The following CHAD variants were observed in gnomAD, a reference collection of about 807,000 sequenced individuals.
The protein encoded by CHAD is cartilage leucine-rich protein.
Under a neutral mutation model 24.0 loss-of-function variants are expected in CHAD, and 18 were observed. The observed-to-expected ratio is 0.75, with a 90% CI of 0.52 to 1.11. The LOEUF (loss-of-function observed/expected upper bound fraction) is 1.11. Ranked by LOEUF, CHAD falls within the 50% of genes most tolerant of loss-of-function variation. The probability of loss-of-function intolerance (pLI) is 0.00; values close to 1 mark genes in which losing one functional copy is unlikely to be tolerated. For missense variants in CHAD, 440 were observed against 467.2 expected, an observed-to-expected ratio of 0.94 and a Z score of 0.54; for synonymous variants, 195 against 211.6, an observed-to-expected ratio of 0.92 and a Z score of 0.68.
chr17:50,468,290 C>T lies in CHAD; in HGVS notation c.524G>A (p.Trp175Ter). The change falls in exon 1 of 4, where the codon TGG (tryptophan) becomes TAG (stop). Residue 175 changes from tryptophan to a stop codon, truncating the protein, a stop_gained. Transcript: ENST00000508540. LOFTEE classifies it high-confidence loss of function. The stretch of plus-strand genomic sequence containing the variant: ...CAACGCGTTTTCCGACAGGTAGAGC[C>T]AGCGCAGGTCCTTGGCTCCCTGGAA... ...GAFQGAKDLR[W>*]LYLSENALSS... 1.2e-6 allele frequency: 2 copies of T among 1,613,322 alleles called. No individual in the cohort carries two copies. Among genetic ancestry groups the T allele is most frequent in the East Asian group, 2.2e-5 (1 of 44,824 alleles).
In CHAD at chr17:50,468,325, G is replaced by A. The variant is rs1251037006; in HGVS notation, c.489C>T (p.Arg163=). 6 of 1,614,046 alleles carry A rather than the reference G, an allele frequency of 3.7e-6. No homozygotes were observed. Among genetic ancestry groups the A allele is most frequent in the East Asian group, 2.2e-5 (1 of 44,898 alleles). ...QLNNNKIREL[R]AGAFQGAKDL... is the part of the protein sequence containing the mutation. ...CCTTGGCTCCCTGGAAGGCGCCTGC[G>A]CGCAGCTCACGGATCTTGTTGTTGT... Residue 163 remains arginine, a synonymous_variant, in exon 1 of 4, where the codon CGC becomes CGT. Transcript: ENST00000508540.
chr17:50,465,593 C>T, intron 2 of CHAD, 114 bp downstream of exon 2: 1 of 1,480,228 alleles, frequency 6.8e-7, no homozygotes, highest in African/African-American at 1.4e-5. Flanking sequence ...TCCCAGGGTC[C>T]CATGCTTATT....
chr17:50,465,871 C>G lies in CHAD; in HGVS notation c.775-1G>C. ...CACCCAGGAAGGCACCATCTGAGAACTGGGGAGCAAGGTGGGAGCAAGGTG... is the reference window on the plus strand; with the variant it reads ...CACCCAGGAAGGCACCATCTGAGAAGTGGGGAGCAAGGTGGGAGCAAGGTG... On this transcript the variant is annotated splice_acceptor_variant, in intron 1 of 3. Transcript: ENST00000508540. LOFTEE classifies it high-confidence loss of function. 1 of 1,613,604 alleles carries G rather than the reference C, an allele frequency of 6.2e-7. No homozygotes were observed. Among genetic ancestry groups the G allele is most frequent in the South Asian group, 1.1e-5 (1 of 91,034 alleles).
rs1395258171 is a variant in CHAD at position 50,465,844 on chromosome 17, T to C, written c.801A>G (p.Val267=). 1 of 1,613,762 alleles carries C rather than the reference T, an allele frequency of 6.2e-7. No individual in the cohort carries two copies. Among genetic ancestry groups the C allele is most frequent in the Admixed American group, 1.7e-5 (1 of 59,960 alleles). Residue 267 remains valine (V), a synonymous_variant, in exon 2 of 4, where the codon GTA becomes GTG. Transcript: ENST00000508540. Reference sequence around the variant, plus strand: ...CCAAATGGACGTGTTTCAGCGTGGTTACACCCAGGAAGGCACCATCTGAGA... The same window carrying C: ...CCAAATGGACGTGTTTCAGCGTGGTCACACCCAGGAAGGCACCATCTGAGA... The part of the protein sequence containing the change: ...EKFSDGAFLG[V]TTLKHVHLEN...
rs1469117298 is a variant in CHAD, at chr17:50,465,190, G to T, written c.*4+104C>A. Reference sequence around the variant, plus strand: ...CCCTCCTCTCTCTGTAAAAATGGAGGGTCTGCCTGACCCTCCAGGGCCAGG... The same window carrying T: ...CCCTCCTCTCTCTGTAAAAATGGAGTGTCTGCCTGACCCTCCAGGGCCAGG... On this transcript the variant is annotated intron_variant, in intron 3 of 3. Transcript: ENST00000508540. The T allele has an allele frequency of 9.5e-6, 13 of 1,369,048 alleles. No homozygotes were observed. In the Middle Eastern group the frequency reaches 9.3e-4, roughly 98 times the overall value. The allele number at this position is 1,369,048 out of a possible 1,614,324, so 84.8% of individuals were successfully genotyped here. A position where few individuals can be genotyped will look rare whatever the true frequency, so the allele number is the denominator to read the frequency against.
chr17:50,465,217 G>A, intron 3 of CHAD, 77 bp downstream of exon 3: 3 of 1,560,374 alleles, frequency 1.9e-6, no homozygotes, highest in South Asian at 1.1e-5. Context: ...AGGGCCAGGG[G>A]GTATCCTGGA....
intron 1 of CHAD, among the ~76,000 whole-genome samples, 170 bp from the exon 2 acceptor site, chr17:50,466,040 C>T (rs1348242782): frequency 6.6e-6 from 1 of 151,172 alleles, no homozygotes; most frequent in South Asian, 2.1e-4. Flanking sequence ...ATCCAATCTA[C>T]ACAACCCCCT....
rs1333976909 is a variant in CHAD, at chr17:50,465,701, T to C, written c.938+6A>G. The C allele has an allele frequency of 1.3e-5, 21 of 1,613,096 alleles. No individual in the cohort carries two copies. The highest frequency in any genetic ancestry group is 1.7e-5 in the Admixed American group (1 of 59,864). On this transcript the variant is annotated splice_donor_region_variant and intron_variant, in intron 2 of 3. Coordinates refer to ENST00000508540, the MANE Select transcript of CHAD (RefSeq NM_001267.3). Reference sequence around the variant, plus strand: ...GGCTCTGGGAGTGACATGGAAGTGTTCTTACCGCCGAAGGCCCCGGAGCTG... The same window carrying C: ...GGCTCTGGGAGTGACATGGAAGTGTCCTTACCGCCGAAGGCCCCGGAGCTG...
In CHAD at chr17:50,465,842, G is replaced by T. The variant is rs1825210105; in HGVS notation, c.803C>A (p.Thr268Asn). The T allele has an allele frequency of 6.2e-7, 1 of 1,613,792 alleles. No homozygotes were observed. The highest frequency in any genetic ancestry group is 1.3e-5 in the African/African-American group (1 of 74,840). ...CTCCAAATGGACGTGTTTCAGCGTG[G>T]TTACACCCAGGAAGGCACCATCTGA... ...KFSDGAFLGV[T>N]TLKHVHLENN... Residue 268 changes from threonine to asparagine, a missense_variant, in exon 2 of 4, where the codon ACC becomes AAC. Coordinates refer to ENST00000508540, the MANE Select transcript of CHAD (RefSeq NM_001267.3).
chr17:50,467,228 T>C (rs1427115158), intron 1 of CHAD, among the ~76,000 whole-genome samples: 2 of 152,120 alleles, frequency 1.3e-5, no homozygotes, highest in East Asian at 1.9e-4. Flanking sequence ...AGACAGGAGA[T>C]GGGTCTAGTG....
At chr17:50,465,948 A>G in intron 1 of CHAD, 78 bp from the exon 2 acceptor site, 1 of 1,543,268 alleles carries the variant, frequency 6.5e-7, no homozygotes, top group Non-Finnish European at 8.9e-7. Flanking sequence ...CCAGAGGGGC[A>G]GGATCCTTCC....
Position 50,468,605 on chromosome 17 carries a change from G to T in CHAD, c.209C>A (p.Ser70Ter), listed in dbSNP as rs773474156. The change falls in exon 1 of 4, where the codon TCG becomes TAG. Residue 70 changes from serine (S) to a stop codon, truncating the protein, a stop_gained. Coordinates refer to ENST00000508540, the MANE Select transcript of CHAD (RefSeq NM_001267.3). LOFTEE classifies it high-confidence loss of function. ...CACGAGGTTCGGCATGGCCCGGAAC[G>T]AATTGGCAGCCAGCACCGGGAAGTT... The part of the protein sequence containing the change: ...RNNFPVLAAN[S>*]FRAMPNLVSL... 4 of 1,614,106 alleles carry T rather than the reference G, an allele frequency of 2.5e-6. No individual in the cohort carries two copies. Among genetic ancestry groups the T allele is most frequent in the Non-Finnish European group, 3.4e-6 (4 of 1,180,022 alleles).
intron 1 of CHAD, chr17:50,467,753 G>A: frequency 2.9e-6 from 1 of 344,894 alleles, no homozygotes; most frequent in Non-Finnish European, 5.2e-6. Context: ...TTGGGGGTTT[G>A]GAAGCACTGG....
intron 1 of CHAD, among the ~76,000 whole-genome samples, chr17:50,466,746 C>T (rs1043374701): frequency 2.3e-4 from 35 of 152,226 alleles, no homozygotes; most frequent in African/African-American, 8.2e-4. Flanking sequence ...TGGACGGCTC[C>T]AGAGGAAATG....
rs780250319 is a variant in CHAD, at chr17:50,468,571, G to C, written c.243C>G (p.His81Gln). 1 of 1,614,218 alleles carries C rather than the reference G, an allele frequency of 6.2e-7. No individual in the cohort carries two copies. Among genetic ancestry groups the C allele is most frequent in the Non-Finnish European group, 8.5e-7 (1 of 1,180,012 alleles). ...FRAMPNLVSL[H>Q]LQHCQIREVA... ...CCTCGCGGATCTGGCAGTGCTGCAG[G>C]TGCAATGACACGAGGTTCGGCATGG... Residue 81 changes from histidine to glutamine, a missense_variant, in exon 1 of 4, where the codon CAC becomes CAG. His to Gln is a conservative substitution (Grantham distance 24, BLOSUM62 0). Coordinates refer to ENST00000508540, the MANE Select transcript of CHAD (RefSeq NM_001267.3).
In CHAD at chr17:50,464,779, G is replaced by GGGGA; in HGVS notation, c.*274_*275insTCCC. The GGGGA allele has an allele frequency of 7.7e-6, 2 of 259,844 alleles. 1 individual carries two copies. Among genetic ancestry groups the GGGGA allele is most frequent in the Non-Finnish European group, 1.5e-5 (2 of 135,768 alleles). 16.1% of individuals were successfully genotyped at this position (259,844 alleles called of 1,614,324 possible). A position where few individuals can be genotyped will look rare whatever the true frequency, so the allele number is the denominator to read the frequency against. On this transcript the variant is annotated 3_prime_UTR_variant, in exon 4 of 4. Transcript: ENST00000508540. ...TGGTTCTGATTGACTTGGGGGGGGGGTCTCAGCAACAGCTTCTCCAAGAGG... is the reference window on the plus strand; with the variant it reads ...TGGTTCTGATTGACTTGGGGGGGGGGGGGATCTCAGCAACAGCTTCTCCAAGAGG...
chr17:50,468,809 A>G lies in CHAD; in HGVS notation c.5T>C (p.Val2Ala). Residue 2 changes from valine to alanine, a missense_variant, in exon 1 of 4, where the codon GTC becomes GCC. Physicochemically the swap from Val to Ala is moderately conservative, Grantham distance 64 (BLOSUM62 0). Transcript: ENST00000508540. ...GAGGCTGAGCAAGAGCATTGGGCGGACCATGGCTGGGACGCCTGGGGCCGG... is the reference window on the plus strand; with the variant it reads ...GAGGCTGAGCAAGAGCATTGGGCGGGCCATGGCTGGGACGCCTGGGGCCGG... M[V>A]RPMLLLSLGL... 3.9e-6 allele frequency: 6 copies of G among 1,531,978 alleles called. No individual in the cohort carries two copies. Among genetic ancestry groups the G allele is most frequent in the Non-Finnish European group, 5.2e-6 (6 of 1,143,866 alleles). The allele number at this position is 1,531,978 out of a possible 1,614,324, so 94.9% of individuals were successfully genotyped here.
At chr17:50,466,397 T>G (rs945817579) in intron 1 of CHAD, among the ~76,000 whole-genome samples, 4 of 152,210 alleles carry the variant, frequency 2.6e-5, no homozygotes, top group African/African-American at 4.8e-5. Flanking sequence ...CCAGGTGGTG[T>G]TATTTTCAAT....
rs138464762 is a variant in CHAD, at chr17:50,468,699, C to T, written c.115G>A (p.Asp39Asn). 18 of 1,613,298 alleles carry T rather than the reference C, an allele frequency of 1.1e-5. No individual in the cohort carries two copies. Among genetic ancestry groups the T allele is most frequent in the Non-Finnish European group, 1.5e-5 (18 of 1,180,006 alleles). The change falls in exon 1 of 4, where the codon GAC (aspartate) becomes AAC (asparagine). Residue 39 changes from aspartate to asparagine, a missense_variant. By Grantham distance (23) the Asp-to-Asn change is conservative. Transcript: ENST00000508540. ...GGGATCTTCTGCAGCCCCACCTTGT[C>T]GCAGATGACGTGCTGCAGGTCGCTG... ...CHSDLQHVICDKVGLQKIPKV... is the reference protein window; with the variant it reads ...CHSDLQHVICNKVGLQKIPKV...
Sources: gnomAD v4.1 joint callset for allele counts (sites outside exome capture counted in the v4.1 genomes callset) on GRCh38, gnomAD v4.1.1 for gene constraint, MANE v1.5 for transcripts, NCBI Gene and HGNC (gene_info 2026-07-23, HGNC 2026-07-21) for gene names.